Variants in EIF2AK4 observed in about 807,000 individuals in gnomAD.
EIF2AK4 encodes the protein eukaryotic translation initiation factor 2 alpha kinase 4.
A neutral mutation model predicts 211.1 loss-of-function variants in EIF2AK4; 139 were observed. The ratio of observed to expected loss-of-function variants is 0.66; its 90% confidence interval spans 0.57 to 0.76. The LOEUF (loss-of-function observed/expected upper bound fraction) is 0.76, where lower values mean the gene tolerates loss of function less well. Among genes scored for constraint, EIF2AK4 ranks in the 30% least tolerant of loss-of-function variants. The probability of loss-of-function intolerance (pLI) is 0.00; values close to 1 mark genes in which losing one functional copy is unlikely to be tolerated. For synonymous variants in EIF2AK4, 710 were observed against 751.3 expected (o/e 0.94, Z 0.90); for missense variants, 1,664 against 2,043.8 (o/e 0.81, Z 3.58).
At chr15:40,018,597 C>T (rs982371459) in intron 29 of EIF2AK4, among the ~76,000 whole-genome samples, 3 of 151,920 alleles carry the variant, frequency 2.0e-5, no homozygotes, top group Admixed American at 6.6e-5. Context: ...ACTGGGATTG[C>T]GGGTGTGAGC....
At chr15:39,981,296 G>A (rs1176717654) in intron 13 of EIF2AK4, among the ~76,000 whole-genome samples, 1 of 152,080 alleles carries the variant, frequency 6.6e-6, no homozygotes, top group African/African-American at 2.4e-5. Context: ...CTTGAACTCA[G>A]GAGGCAGAGG....
intron 1 of EIF2AK4, 121 bp downstream of exon 1, chr15:39,934,460 T>G: frequency 7.4e-7 from 1 of 1,344,850 alleles, no homozygotes; most frequent in Non-Finnish European, 9.9e-7. Flanking sequence ...TTTCATCCCT[T>G]AGGTTCCACC....
At chr15:40,020,721 C>CT (rs57323541) in intron 30 of EIF2AK4, 178 bp from the exon 31 acceptor site, 3,424 of 294,516 alleles carry the variant, frequency 0.012, 4 homozygotes, top group African/African-American at 0.022. Flanking sequence ...TTGAGTGTGT[C>CT]TTTTTTTTTT....
At position 40,017,231 on chromosome 15, in the gene EIF2AK4, T is replaced by C; in HGVS notation, c.4054T>C (p.Tyr1352His). 1.2e-6 allele frequency: 2 copies of C among 1,613,056 alleles called. No homozygotes were observed. Among genetic ancestry groups the C allele is most frequent in the Non-Finnish European group, 1.7e-6 (2 of 1,179,108 alleles). The change falls in exon 29 of 39, where the codon TAT becomes CAT. Residue 1352 changes from tyrosine to histidine, a missense_variant. Around this residue, in one of 7 missense-constraint regions of EIF2AK4, gnomAD observed 622 missense variants for 796.8 expected, o/e 0.78. Coordinates refer to ENST00000263791, the MANE Select transcript of EIF2AK4 (RefSeq NM_001013703.4). The part of the protein sequence containing the change: ...VPEILAAGGR[Y>H]DLLIPQFRGP... ...TGAAATCCTCGCAGCTGGAGGCAGA[T>C]ATGACCTGCTGGTGAGGGCTTGCCC...
At chr15:39,964,608 A>C (rs1566987836) in intron 7 of EIF2AK4, among the ~76,000 whole-genome samples, 1 of 152,304 alleles carries the variant, frequency 6.6e-6, no homozygotes, top group East Asian at 1.9e-4. Flanking sequence ...TGATATGGTA[A>C]ATTATGGGGT....
Position 39,992,794 on chromosome 15 carries a change from T to G in EIF2AK4, c.2712T>G (p.Thr904=). Residue 904 remains threonine, a synonymous_variant, in exon 18 of 39, where the codon ACT becomes ACG. Coordinates refer to ENST00000263791, the MANE Select transcript of EIF2AK4 (RefSeq NM_001013703.4). ...PSGHLTGMVG[T]ALYVSPEVQG... ...GTCACTTAACTGGGATGGTTGGCAC[T>G]GCTCTCTATGTAAGCCCAGAGGTCC... The G allele has an allele frequency of 6.2e-7, 1 of 1,614,234 alleles. No homozygotes were observed. Among genetic ancestry groups the G allele is most frequent in the Non-Finnish European group, 8.5e-7 (1 of 1,180,044 alleles).
intron 32 of EIF2AK4, among the ~76,000 whole-genome samples, chr15:40,023,287 C>T (rs2035419197): frequency 6.6e-6 from 1 of 152,084 alleles, no homozygotes; most frequent in Non-Finnish European, 1.5e-5. Flanking sequence ...CACCTCATAA[C>T]CTTTATTTCT....
In EIF2AK4 at chr15:39,947,230, A is replaced by T. The variant is rs535552852; in HGVS notation, c.361-1886A>T. Among the ~76,000 whole-genome samples, 12 of 152,256 alleles carry T rather than the reference A, an allele frequency of 7.9e-5. No individual in the cohort carries two copies. The East Asian group carries it at 1.9e-3, about 24-fold the overall frequency. On this transcript the variant is annotated intron_variant, in intron 3 of 38. Coordinates refer to ENST00000263791, the MANE Select transcript of EIF2AK4 (RefSeq NM_001013703.4). ...CTAAAATAGACATAATTCTAAAGAA[A>T]TTTTTTTATTTTCAAGTAAAATAGA...
intron 8 of EIF2AK4, 133 bp downstream of exon 8, chr15:39,965,976 A>T: frequency 8.4e-7 from 1 of 1,187,428 alleles, no homozygotes; most frequent in East Asian, 2.6e-5. Flanking sequence ...TTGACCAGGG[A>T]GGACAGTGAA....
intron 1 of EIF2AK4, among the ~76,000 whole-genome samples, chr15:39,936,376 A>T (rs118128955): frequency 2.3e-4 from 35 of 152,288 alleles, no homozygotes; most frequent in African/African-American, 8.4e-4. Context: ...ATCACCTGCT[A>T]TTTGCCAGGG....
At chr15:39,986,495 C>T (rs889781240) in intron 14 of EIF2AK4, among the ~76,000 whole-genome samples, 14 of 152,366 alleles carry the variant, frequency 9.2e-5, no homozygotes, top group Middle Eastern at 3.4e-3. Context: ...CTTTGGCCTG[C>T]CTACCTGCCA....
rs1183015334 is a variant in EIF2AK4 at position 40,030,434 on chromosome 15, C to T, written c.4637C>T (p.Thr1546Ile). The T allele has an allele frequency of 1.2e-6, 2 of 1,614,016 alleles. No individual in the cohort carries two copies. Among genetic ancestry groups the T allele is most frequent in the Admixed American group, 1.7e-5 (1 of 60,006 alleles). ...VLAPEKLSAS[T>I]RRRYETQVQT... Reference sequence around the variant, plus strand: ...GCCCCGGAGAAGCTGTCAGCCAGCACTAGGAGGCGCTATGAAACTCAGGTA... The same window carrying T: ...GCCCCGGAGAAGCTGTCAGCCAGCATTAGGAGGCGCTATGAAACTCAGGTA... The change falls in exon 35 of 39, where the codon ACT becomes ATT. Residue 1546 changes from threonine (T) to isoleucine (I), a missense_variant. Physicochemically the swap from Thr to Ile is moderately conservative, Grantham distance 89 (BLOSUM62 -1). Around this residue, in one of 7 missense-constraint regions of EIF2AK4, gnomAD observed 138 missense variants for 165.1 expected, o/e 0.84. Coordinates refer to ENST00000263791, the MANE Select transcript of EIF2AK4 (RefSeq NM_001013703.4).
At chr15:39,985,466 C>T (rs189928290) in intron 13 of EIF2AK4, among the ~76,000 whole-genome samples, 4 of 152,270 alleles carry the variant, frequency 2.6e-5, no homozygotes, top group Admixed American at 2.6e-4. Flanking sequence ...ATAAACACCT[C>T]TACACAAATA....
chr15:39,946,549 C>T lies in EIF2AK4; in HGVS notation c.361-2567C>T, dbSNP rs748691008. On this transcript the variant is annotated intron_variant, in intron 3 of 38. Transcript: ENST00000263791. Reference sequence around the variant, plus strand: ...CTGTGAACATTGTTGAAATGACAATCGAGCATTTAGGATATTTCATAAACT... The same window carrying T: ...CTGTGAACATTGTTGAAATGACAATTGAGCATTTAGGATATTTCATAAACT... The T allele has an allele frequency of 1.0e-4, 70 of 702,030 alleles. 1 individual carries two copies. The highest frequency in any genetic ancestry group is 6.9e-4 in the Middle Eastern group (3 of 4,356). The allele number at this position is 702,030 out of a possible 1,614,324, so 43.5% of individuals were successfully genotyped here.
chr15:39,971,618 G>C (rs933659077), intron 9 of EIF2AK4, among the ~76,000 whole-genome samples: 1 of 152,120 alleles, frequency 6.6e-6, no homozygotes, highest in African/African-American at 2.4e-5. Context: ...TCAGGAGGCT[G>C]AGGCAAGAGG....
chr15:39,985,827 A>G lies in EIF2AK4; in HGVS notation c.2342A>G (p.Asn781Ser), dbSNP rs1286637656. The change falls in exon 14 of 39, where the codon AAT (asparagine) becomes AGT (serine). Residue 781 changes from asparagine to serine, a missense_variant. Asn to Ser is a conservative substitution (Grantham distance 46). Transcript: ENST00000263791. ...TAGGATGAAGATTGCAATGAAAAGA[A>G]TGGCTGCCATGAAAGTGAGCCATCA... is the stretch of plus-strand genomic sequence containing the variant. Reference protein sequence around the residue: ...QNQDEDCNEKNGCHESEPSVT... With the variant: ...QNQDEDCNEKSGCHESEPSVT... 6.2e-7 allele frequency: 1 copy of G among 1,614,086 alleles called. No individual in the cohort carries two copies. The highest frequency in any genetic ancestry group is 8.5e-7 in the Non-Finnish European group (1 of 1,179,968).
chr15:40,003,075 A>G, intron 22 of EIF2AK4, 118 bp from the exon 23 acceptor site: 1 of 1,424,828 alleles, frequency 7.0e-7, no homozygotes, highest in Non-Finnish European at 9.5e-7. Context: ...AGAAAAATTG[A>G]TATGACTTCA....
At chr15:39,968,222 T>G (rs780294198) in intron 9 of EIF2AK4, among the ~76,000 whole-genome samples, 5 of 152,202 alleles carry the variant, frequency 3.3e-5, no homozygotes, top group African/African-American at 7.2e-5. Context: ...TCCTAAAGGG[T>G]CAAAGACGAG....
intron 19 of EIF2AK4, among the ~76,000 whole-genome samples, chr15:39,998,066 C>A (rs973273179): frequency 6.6e-6 from 1 of 152,124 alleles, no homozygotes; most frequent in Non-Finnish European, 1.5e-5. Flanking sequence ...CAGCTGTGTT[C>A]GTAAAGTATA....
Sources: gnomAD v4.1 joint callset for allele counts (sites outside exome capture counted in the v4.1 genomes callset) on GRCh38, gnomAD v4.1.1 for gene constraint, gnomAD v4.1.1 regional missense constraint, MANE v1.5 for transcripts, NCBI Gene and HGNC (gene_info 2026-07-23, HGNC 2026-07-21) for gene names.